The following CLDN2 variants were observed in gnomAD, a reference collection of about 807,000 sequenced individuals.
CLDN2 encodes claudin-2.
CLDN2 carries 1 observed loss-of-function variant against 8.2 expected under a neutral mutation model. The ratio of observed to expected loss-of-function variants is 0.12; its 90% CI spans 0.04 to 0.58. The LOEUF (loss-of-function observed/expected upper bound fraction) is 0.58. Among genes scored for constraint, CLDN2 ranks in the 20% least tolerant of loss-of-function variants. The pLI is 0.90. For missense variants in CLDN2, 108 were observed against 172.9 expected, an observed-to-expected ratio of 0.62 and a Z score of 2.11; for synonymous variants, 70 against 70.2, an observed-to-expected ratio of 1.00 and a Z score of 0.01.
At chrX:106,907,732 TAATA>T (rs1933198942) in intron 1 of CLDN2, among the ~76,000 whole-genome samples, 1 of 107,206 alleles carries the variant, frequency 9.3e-6, no homozygotes, top group South Asian at 4.1e-4. Context: ...ATAATAATAA[TAATA>T]ATAATAATAA....
At chrX:106,924,854 T>A (rs1175717536) in intron 1 of CLDN2, among the ~76,000 whole-genome samples, 1 of 105,486 alleles carries the variant, frequency 9.5e-6, no homozygotes, top group Non-Finnish European at 1.9e-5. Context: ...AGCACTTCAA[T>A]GACCCTTACA....
chrX:106,910,684 C>T (rs1313585780), intron 1 of CLDN2, among the ~76,000 whole-genome samples: 13 of 107,882 alleles, frequency 1.2e-4, no homozygotes, highest in Non-Finnish European at 2.3e-4. Context: ...TACACTCCAG[C>T]CTGGGCAGAT....
chrX:106,909,865 G>A (rs1933225304), intron 1 of CLDN2, among the ~76,000 whole-genome samples: 1 of 111,794 alleles, frequency 8.9e-6, no homozygotes, highest in Non-Finnish European at 1.9e-5. Context: ...TGTGGCCCAT[G>A]TGGTGCGGGC....
At chrX:106,926,827 A>ACACACAC (rs1933474019) in intron 1 of CLDN2, among the ~76,000 whole-genome samples, 4 of 62,583 alleles carry the variant, frequency 6.4e-5, no homozygotes, top group African/African-American at 2.7e-4. Context: ...ACACACACAC[A>ACACACAC]ACTAGCCAGG....
chrX:106,901,439 T>C, intron 1 of CLDN2: 1 of 1,169,059 alleles, frequency 8.6e-7, no homozygotes, highest in East Asian at 3.0e-5. Context: ...CTAATGGATC[T>C]ATGTCAAGTT....
chrX:106,915,472 C>A (rs566481035), upstream of CLDN2, among the ~76,000 whole-genome samples: 528 of 112,256 alleles, frequency 4.7e-3, 1 homozygote, highest in South Asian at 9.3e-3. Context: ...AAAAATACTA[C>A]CACCTCTTAT....
upstream of CLDN2, among the ~76,000 whole-genome samples, chrX:106,917,171 C>A (rs908289349): frequency 3.6e-5 from 4 of 112,424 alleles, no homozygotes; most frequent in South Asian, 1.5e-3. Flanking sequence ...TAGAGGATAA[C>A]TGAAACCACA....
At position 106,929,374 on chromosome X, in the gene CLDN2, T is replaced by C. The variant is rs1933514291; in HGVS notation, c.*453T>C. ...GATGGGAAGGAGAAGCAGTGGCTTT[T>C]GTGGGCATTGCTCTAACCTACTTCT... On this transcript the variant is annotated 3_prime_UTR_variant, in exon 2 of 2. Transcript: ENST00000336803. 6.7e-6 allele frequency: 1 copy of C among 148,680 alleles called. No individual in the cohort carries two copies. The highest frequency in any genetic ancestry group is 3.2e-5 in the African/African-American group (1 of 31,327). The allele number at this position is 148,680 out of a possible 1,213,427, so 12.3% of individuals were successfully genotyped here.
chrX:106,917,097 A>G (rs1374175788), upstream of CLDN2, among the ~76,000 whole-genome samples: 1 of 112,091 alleles, frequency 8.9e-6, no homozygotes, highest in Admixed American at 9.4e-5. Context: ...AGATGCCAGT[A>G]TATAAAGGTC....
Position 106,929,846 on chromosome X carries a change from A to G in CLDN2, c.*925A>G, listed in dbSNP as rs1933523431. ...TAAACCACAAGGCTAAGGGCTATAG[A>G]CAATGGTTTCCTTAGGAACAGTAAA... On this transcript the variant is annotated 3_prime_UTR_variant, in exon 2 of 2. Transcript: ENST00000336803. The G allele has an allele frequency of 8.1e-6, 1 of 123,628 alleles. No homozygotes were observed. The highest frequency in any genetic ancestry group is 3.2e-5 in the African/African-American group (1 of 30,847). 10.2% of individuals were successfully genotyped at this position (123,628 alleles called of 1,213,427 possible). A position where few individuals can be genotyped will look rare whatever the true frequency, so the allele number is the denominator to read the frequency against.
intron 1 of CLDN2, among the ~76,000 whole-genome samples, chrX:106,908,567 C>CTT (rs138799168): frequency 5.5e-5 from 5 of 91,543 alleles, no homozygotes; most frequent in African/African-American, 1.6e-4. Context: ...CTTTTCTTTT[C>CTT]TTTTTTTTTT....
intron 1 of CLDN2, chrX:106,901,043 A>C: frequency 2.9e-6 from 3 of 1,020,862 alleles, no homozygotes; most frequent in Non-Finnish European, 3.8e-6. Context: ...GGAAGAAAGA[A>C]AGTTTTGTAA....
Position 106,930,079 on chromosome X carries a change from C to G in CLDN2, c.*1158C>G, listed in dbSNP as rs1242240915. 8.1e-6 allele frequency: 1 copy of G among 123,044 alleles called. No homozygotes were observed. Among genetic ancestry groups the G allele is most frequent in the Non-Finnish European group, 1.9e-5 (1 of 53,186 alleles). The allele number at this position is 123,044 out of a possible 1,213,427, so 10.1% of individuals were successfully genotyped here. On this transcript the variant is annotated 3_prime_UTR_variant, in exon 2 of 2. Transcript: ENST00000336803. ...AAATCAGCTCAAATGAGATCAGGCC[C>G]CCCCAGGGTCCACCCACAGAGCACT...
upstream of CLDN2, among the ~76,000 whole-genome samples, chrX:106,918,683 C>T (rs1427927510): frequency 8.9e-6 from 1 of 112,177 alleles, no homozygotes; most frequent in Non-Finnish European, 1.9e-5. Context: ...CACCTCAGCA[C>T]AGTGCCTGGC....
At chrX:106,908,866 G>C (rs903288900) in intron 1 of CLDN2, among the ~76,000 whole-genome samples, 5 of 111,984 alleles carry the variant, frequency 4.5e-5, no homozygotes, top group African/African-American at 1.6e-4. Flanking sequence ...ATTTCTTACT[G>C]TGGGTCACAG....
intron 1 of CLDN2, chrX:106,903,079 C>T: frequency 8.4e-7 from 1 of 1,184,057 alleles, no homozygotes; most frequent in Non-Finnish European, 1.1e-6. Context: ...TCCTTCCTCT[C>T]TCAGGAAGCT....
intron 1 of CLDN2, chrX:106,900,527 G>C (rs763060387): frequency 2.0e-6 from 1 of 505,208 alleles, no homozygotes; most frequent in Non-Finnish European, 3.0e-6. Flanking sequence ...GAGCTGGGCA[G>C]CTAGATGACC....
chrX:106,901,635 T>G lies in CLDN2; in HGVS notation c.-179+1131T>G, dbSNP rs1278737754. 4 of 881,557 alleles carry G rather than the reference T, an allele frequency of 4.5e-6. No homozygotes were observed. The African/African-American group carries it at 5.9e-5, about 13-fold the overall frequency. The allele number at this position is 881,557 out of a possible 1,213,427, so 72.7% of individuals were successfully genotyped here. On this transcript the variant is annotated intron_variant, in intron 1 of 1. Coordinates refer to the CLDN2 transcript ENST00000541806. ...CAGAAAGCTGCAGGTAAAATGATCT[T>G]GAAGAGACCTTAGACATCTCTGGGA...
chrX:106,903,162 G>A (rs1490812601), intron 1 of CLDN2: 4 of 1,210,049 alleles, frequency 3.3e-6, no homozygotes, highest in Non-Finnish European at 4.5e-6. Context: ...CTTGTCCAGA[G>A]GAGAGAAGGC....
Sources: gnomAD v4.1 joint callset for allele counts (sites outside exome capture counted in the v4.1 genomes callset) on GRCh38, gnomAD v4.1.1 for gene constraint, MANE v1.5 for transcripts, NCBI Gene and HGNC (gene_info 2026-07-23, HGNC 2026-07-21) for gene names.